RASA3: variants seen among roughly 807,000 people sequenced by gnomAD.
RASA3 encodes ras GTPase-activating protein 3.
RASA3 carries 73 observed loss-of-function variants against 110.0 expected under a neutral mutation model. The observed-to-expected ratio is 0.66, with a 90% CI of 0.55 to 0.81. The LOEUF (loss-of-function observed/expected upper bound fraction) is 0.81, where lower values mean the gene tolerates loss of function less well. Among genes scored for constraint, RASA3 ranks in the 30% least tolerant of loss-of-function variants. The pLI is 0.00. For missense variants in RASA3, 976 were observed against 1,113.2 expected (o/e 0.88, Z 1.75); for synonymous variants, 500 against 451.4 (o/e 1.11, Z -1.37).
chr13:114,037,334 G>C (rs1432791260), intron 4 of RASA3, among the ~76,000 whole-genome samples: 2 of 152,160 alleles, frequency 1.3e-5, no homozygotes, highest in African/African-American at 2.4e-5. Context: ...CCATTCCTCA[G>C]CCTTGGAAGG....
chr13:114,079,841 A>T (rs2079752993), intron 1 of RASA3, among the ~76,000 whole-genome samples: 1 of 147,324 alleles, frequency 6.8e-6, no homozygotes, highest in South Asian at 2.1e-4. Context: ...TGGCCTCCCC[A>T]CCCGGCACCC....
intron 22 of RASA3, among the ~76,000 whole-genome samples, chr13:113,990,526 T>C (rs2053083839): frequency 6.6e-6 from 1 of 152,192 alleles, no homozygotes; most frequent in South Asian, 2.1e-4. Flanking sequence ...GCTGTGTCGG[T>C]TCCTGCTATG....
At chr13:114,039,477 G>C (rs755474951) in intron 4 of RASA3, among the ~76,000 whole-genome samples, 1 of 151,950 alleles carries the variant, frequency 6.6e-6, no homozygotes, top group African/African-American at 2.4e-5. Flanking sequence ...AAGCCGTCCG[G>C]TGTCCCAGGG....
rs185387601 is a variant in RASA3 at position 114,125,486 on chromosome 13, A to G, written c.55+6949T>C. ...CACCGGATCTCACGAGAACTCACTC[A>G]CTATCGTGAGAACAGCACCAAGGGG... On this transcript the variant is annotated intron_variant, in intron 1 of 23. Coordinates refer to ENST00000334062, the MANE Select transcript of RASA3 (RefSeq NM_007368.4). 2.9e-3 allele frequency among the ~76,000 whole-genome samples: 444 copies of G among 152,286 alleles called. 3 individuals are homozygous for G. The highest frequency in any genetic ancestry group is 0.01 in the African/African-American group (427 of 41,554).
chr13:113,990,307 G>C (rs370586533), intron 22 of RASA3, among the ~76,000 whole-genome samples: 1 of 152,212 alleles, frequency 6.6e-6, no homozygotes, highest in East Asian at 1.9e-4. Flanking sequence ...AAGGTAAACA[G>C]GGTCTGCCAG....
intron 9 of RASA3, among the ~76,000 whole-genome samples, chr13:114,020,265 A>G (rs7336591): frequency 0.51 from 35,340 of 69,776 alleles, 12,383 homozygotes; most frequent in African/African-American, 0.74. Context: ...GGCATTAGCA[A>G]CCCCGGTCAG....
intron 12 of RASA3, 110 bp downstream of exon 12, chr13:114,017,127 C>G (rs1386898967): frequency 4.7e-5 from 47 of 989,816 alleles, no homozygotes; most frequent in Non-Finnish European, 7.1e-5. Flanking sequence ...CCAGAGGGGC[C>G]GACATTCAAG....
chr13:114,064,761 G>C (rs1263786118), intron 2 of RASA3, among the ~76,000 whole-genome samples: 1 of 152,210 alleles, frequency 6.6e-6, no homozygotes, highest in Non-Finnish European at 1.5e-5. Context: ...CTCTTGGACA[G>C]GCCGGCTTTG....
chr13:114,041,291 C>T lies in RASA3; in HGVS notation c.278-197G>A, dbSNP rs148474518. Among the ~76,000 whole-genome samples the T allele has an allele frequency of 3.2e-3, 490 of 152,354 alleles. 1 individual carries two copies. Among genetic ancestry groups the T allele is most frequent in the Non-Finnish European group, 4.8e-3 (327 of 68,038 alleles). On this transcript the variant is annotated intron_variant, in intron 3 of 23. Transcript: ENST00000334062. Reference sequence around the variant, plus strand: ...AGGGGGGAGGGTCGCTTGAGACCAGCCTGAGCGATATGGTGAAAACTTGTC... The same window carrying T: ...AGGGGGGAGGGTCGCTTGAGACCAGTCTGAGCGATATGGTGAAAACTTGTC...
In RASA3 at chr13:114,056,230, T is replaced by C. The variant is rs1386462020; in HGVS notation, c.174-4075A>G. Among the ~76,000 whole-genome samples the C allele has an allele frequency of 6.6e-6, 1 of 152,156 alleles. No homozygotes were observed. Among genetic ancestry groups the C allele is most frequent in the African/African-American group, 2.4e-5 (1 of 41,416 alleles). ...GAATGTCCAGTGCGTGTCCAATGCG[T>C]GTCTGGTGAGTGGTGAGTGTCTGGT... On this transcript the variant is annotated intron_variant, in intron 2 of 23. Coordinates refer to ENST00000334062, the MANE Select transcript of RASA3 (RefSeq NM_007368.4). The surrounding 1 kb of genome is among the most constrained non-coding windows in gnomAD (Gnocchi z 5.7).
chr13:114,034,523 G>T (rs940721364), intron 4 of RASA3, among the ~76,000 whole-genome samples: 1 of 152,190 alleles, frequency 6.6e-6, no homozygotes, highest in Non-Finnish European at 1.5e-5. Flanking sequence ...AGGTCCTGAG[G>T]CTGCTCCTGT....
chr13:114,012,279 G>A (rs1020087121), intron 15 of RASA3, among the ~76,000 whole-genome samples: 3 of 151,896 alleles, frequency 2.0e-5, no homozygotes, highest in South Asian at 2.1e-4. Flanking sequence ...CACCTGCAAC[G>A]AGGACGTTCC....
At chr13:114,027,810 G>A (rs758656080) in intron 6 of RASA3, 37 bp downstream of exon 6, 1 of 1,594,552 alleles carries the variant, frequency 6.3e-7, no homozygotes, top group South Asian at 1.1e-5. Flanking sequence ...TAGCCCCCCA[G>A]GACCAGAACA....
chr13:114,016,498 C>T (rs1242792117), intron 12 of RASA3, among the ~76,000 whole-genome samples: 2 of 152,192 alleles, frequency 1.3e-5, no homozygotes, highest in Non-Finnish European at 2.9e-5. Flanking sequence ...AGGGGGCAAC[C>T]CTGGGCCTGT....
chr13:113,979,479 C>T, intron 23 of RASA3, 57 bp from the exon 24 acceptor site: 2 of 1,402,950 alleles, frequency 1.4e-6, no homozygotes. Context: ...TGGTGCTCAC[C>T]CGTGGCTGCG....
At chr13:114,001,389 G>A (rs553023498) in intron 18 of RASA3, among the ~76,000 whole-genome samples, 17 of 150,546 alleles carry the variant, frequency 1.1e-4, no homozygotes, top group Non-Finnish European at 2.4e-4. Context: ...CGGGCTCGGG[G>A]TCAGGGCGGG....
chr13:114,065,619 G>A lies in RASA3; in HGVS notation c.173+8101C>T, dbSNP rs138804919. The stretch of plus-strand genomic sequence containing the variant: ...ATCAGAAGCACATGGCCAGTGCAGG[G>A]CCACACAGCCCTGGCTCCCACAGAC... On this transcript the variant is annotated intron_variant, in intron 2 of 23. Transcript: ENST00000334062. The surrounding 1 kb of genome is among the most constrained non-coding windows in gnomAD (Gnocchi z 4.1). 1.3e-5 allele frequency among the ~76,000 whole-genome samples: 2 copies of A among 152,316 alleles called. No individual in the cohort carries two copies. Among genetic ancestry groups the A allele is most frequent in the Non-Finnish European group, 2.9e-5 (2 of 68,020 alleles).
intron 1 of RASA3, among the ~76,000 whole-genome samples, chr13:114,117,465 G>A (rs2080301698): frequency 7.1e-6 from 1 of 141,304 alleles, no homozygotes; most frequent in Non-Finnish European, 1.5e-5. Context: ...GTGCGTGAGG[G>A]GTGCACATCT....
intron 13 of RASA3, 137 bp from the exon 14 acceptor site, chr13:114,015,469 T>C: frequency 2.9e-6 from 3 of 1,044,644 alleles, no homozygotes; most frequent in South Asian, 1.5e-5. Context: ...GAGACACGTG[T>C]GAACAGCCAC....
Sources: allele counts gnomAD v4.1 joint callset (sites outside exome capture counted in the v4.1 genomes callset), GRCh38; gene constraint gnomAD v4.1.1; non-coding constraint Gnocchi (gnomAD v3.1); transcripts MANE v1.5; gene names NCBI Gene and HGNC (gene_info 2026-07-23, HGNC 2026-07-21).